Variants in CNTLN observed in about 807,000 individuals in gnomAD.
The protein encoded by CNTLN is centlein, centrosomal protein.
In CNTLN, 212 loss-of-function variants were observed where a neutral mutation model predicts 180.0. The observed-to-expected ratio is 1.18, with a 90% CI of 1.05 to 1.32. The LOEUF is 1.32. Ranked by LOEUF, CNTLN falls within the 40% of genes most tolerant of loss-of-function variation. CNTLN has a pLI of 0.00. For synonymous variants in CNTLN, 722 were observed against 563.1 expected (o/e 1.28, Z -3.99); for missense variants, 2,095 against 1,610.9 (o/e 1.30, Z -5.14).
intron 2 of CNTLN, among the ~76,000 whole-genome samples, chr9:17,149,512 C>CTTTTTTTTT (rs55691769): frequency 3.4e-4 from 36 of 106,136 alleles, no homozygotes; most frequent in South Asian, 1.4e-3. Flanking sequence ...TTCTTTCTTT[C>CTTTTTTTTT]TTTTTTTTTT....
chr9:17,370,135 G>C (rs539260513), intron 13 of CNTLN, among the ~76,000 whole-genome samples: 2 of 152,184 alleles, frequency 1.3e-5, no homozygotes, highest in African/African-American at 4.8e-5. Flanking sequence ...GGAGTACAAA[G>C]TTTATTCAAA....
In CNTLN at chr9:17,298,230, A is replaced by G; in HGVS notation, c.1024A>G (p.Ser342Gly). ...GCTGCAGAATCTTTACAAACAGAAC[A>G]GTACACATACAGCCCAGCAAGCAGA... ...QELQNLYKQN[S>G]THTAQQAELI... Residue 342 changes from serine (S) to glycine (G), a missense_variant, in exon 7 of 26, where the codon AGT (serine) becomes GGT (glycine). Transcript: ENST00000380647. 1 of 1,593,564 alleles carries G rather than the reference A, an allele frequency of 6.3e-7. No homozygotes were observed. The highest frequency in any genetic ancestry group is 8.5e-7 in the Non-Finnish European group (1 of 1,171,688).
At chr9:17,395,830 G>C (rs111418879) in intron 15 of CNTLN, among the ~76,000 whole-genome samples, 1,772 of 152,258 alleles carry the variant, frequency 0.012, 38 homozygotes, top group African/African-American at 0.04. Context: ...CTGTGAACCA[G>C]AGCAACTCCA....
intron 13 of CNTLN, among the ~76,000 whole-genome samples, chr9:17,370,995 T>C (rs1390311005): frequency 6.6e-6 from 1 of 152,076 alleles, no homozygotes; most frequent in Non-Finnish European, 1.5e-5. Context: ...ATTTTCGTTT[T>C]ATTTTAGGAG....
At chr9:17,410,326 T>G (rs577462950) in intron 16 of CNTLN, among the ~76,000 whole-genome samples, 1 of 152,306 alleles carries the variant, frequency 6.6e-6, no homozygotes, top group Non-Finnish European at 1.5e-5. Flanking sequence ...TCATGGTTAT[T>G]GGGCATTTGG....
intron 5 of CNTLN, among the ~76,000 whole-genome samples, chr9:17,269,764 T>C (rs944319324): frequency 6.6e-6 from 1 of 152,188 alleles, no homozygotes; most frequent in African/African-American, 2.4e-5. Flanking sequence ...ATTATTCTTT[T>C]AGTTCCATTT....
At chr9:17,230,852 G>A (rs1266096283) in intron 3 of CNTLN, among the ~76,000 whole-genome samples, 1 of 151,924 alleles carries the variant, frequency 6.6e-6, no homozygotes, top group African/African-American at 2.4e-5. Context: ...CTTCCCCCAA[G>A]CATGACTGAG....
At chr9:17,148,311 T>G (rs749623556) in intron 2 of CNTLN, among the ~76,000 whole-genome samples, 2 of 152,218 alleles carry the variant, frequency 1.3e-5, no homozygotes, top group Non-Finnish European at 2.9e-5. Context: ...CTACAAATAC[T>G]TAATTAGCTA....
chr9:17,198,334 A>T (rs1013268044), intron 2 of CNTLN, among the ~76,000 whole-genome samples: 1 of 147,664 alleles, frequency 6.8e-6, no homozygotes, highest in Non-Finnish European at 1.5e-5. Flanking sequence ...TAGTATGGAC[A>T]TTTTAATAAT....
At chr9:17,349,642 G>T (rs1383053742) in intron 12 of CNTLN, among the ~76,000 whole-genome samples, 2 of 152,020 alleles carry the variant, frequency 1.3e-5, no homozygotes, top group Non-Finnish European at 2.9e-5. Context: ...ATAGGAATCT[G>T]AGGACTTAAA....
chr9:17,171,950 C>A (rs1001746785), intron 2 of CNTLN, among the ~76,000 whole-genome samples: 4 of 152,082 alleles, frequency 2.6e-5, no homozygotes, highest in African/African-American at 4.8e-5. Flanking sequence ...GCAGAGTGAA[C>A]AGTGGCTTTA....
At chr9:17,359,725 C>CAAAAAAAAAA (rs1176814681) in intron 12 of CNTLN, among the ~76,000 whole-genome samples, 6 of 21,318 alleles carry the variant, frequency 2.8e-4, no homozygotes, top group South Asian at 2.0e-3. Flanking sequence ...ACTAAAAATA[C>CAAAAAAAAAA]AAAAAAAAAA....
At chr9:17,402,348 C>T (rs1827044672) in intron 15 of CNTLN, among the ~76,000 whole-genome samples, 1 of 151,722 alleles carries the variant, frequency 6.6e-6, no homozygotes, top group Non-Finnish European at 1.5e-5. Context: ...GTATGACTTG[C>T]ACTGTATCAA....
chr9:17,526,631 T>C, the CNTLN span, among the ~76,000 whole-genome samples: 1 of 152,228 alleles, frequency 6.6e-6, no homozygotes, highest in South Asian at 2.1e-4. Context: ...GGACATACTG[T>C]AATGGGAATC....
intron 10 of CNTLN, among the ~76,000 whole-genome samples, chr9:17,338,362 G>C (rs1178096899): frequency 2.8e-5 from 1 of 35,746 alleles, no homozygotes; most frequent in East Asian, 1.7e-3. Context: ...TTTTAGAGAT[G>C]GGGTTTCACT....
rs540117162 is a variant in CNTLN, at chr9:17,302,654, C to T, written c.1146+4302C>T. Among the ~76,000 whole-genome samples the T allele has an allele frequency of 2.0e-5, 3 of 152,142 alleles. No individual in the cohort carries two copies. The South Asian group carries it at 6.2e-4, about 32-fold the overall frequency. On this transcript the variant is annotated intron_variant, in intron 7 of 25. Transcript: ENST00000380647. ...TTGAGACATTGCATGCTATGATGTC[C>T]CACTTTGGATAATGCAATTTAAAAA...
chr9:17,267,265 C>T (rs1827540483), intron 5 of CNTLN, among the ~76,000 whole-genome samples: 1 of 152,210 alleles, frequency 6.6e-6, no homozygotes, highest in African/African-American at 2.4e-5. Flanking sequence ...ATTTGTTTGT[C>T]TGTAAAGTAT....
In CNTLN at chr9:17,307,970, AACCACACACACAC is replaced by A. The variant is rs889951418; in HGVS notation, c.1147-1085_1147-1073del. ...GTAAGATTTTACTGTTAGCCTTTAA[AACCACACACACAC>A]ACACACACACACACACACACACACA... On this transcript the variant is annotated intron_variant, in intron 7 of 25. Coordinates refer to ENST00000380647, the MANE Select transcript of CNTLN (RefSeq NM_017738.4). 3.3e-4 allele frequency among the ~76,000 whole-genome samples: 40 copies of A among 121,604 alleles called. No homozygotes were observed. The East Asian group carries it at 9.9e-3, about 30-fold the overall frequency. 79.8% of individuals were successfully genotyped at this position (121,604 alleles called of 152,430 possible). A position where few individuals can be genotyped will look rare whatever the true frequency, so the allele number is the denominator to read the frequency against.
intron 5 of CNTLN, among the ~76,000 whole-genome samples, chr9:17,267,836 A>T (rs914930563): frequency 9.9e-5 from 15 of 152,274 alleles, no homozygotes; most frequent in African/African-American, 3.4e-4. Flanking sequence ...CGCATCGGCT[A>T]ATGAGGCTTC....
Sources: gnomAD v4.1 joint callset for allele counts (sites outside exome capture counted in the v4.1 genomes callset) on GRCh38, gnomAD v4.1.1 for gene constraint, MANE v1.5 for transcripts, NCBI Gene and HGNC (gene_info 2026-07-23, HGNC 2026-07-21) for gene names.